LHX8: variants seen among roughly 807,000 people sequenced by gnomAD.
LHX8 encodes the protein LIM homeobox 8, also known as LIM/homeobox protein Lhx8.
In LHX8, 12 loss-of-function variants were observed where a neutral mutation model predicts 40.3. The ratio of observed to expected loss-of-function variants is 0.30; its 90% CI spans 0.19 to 0.48. The LOEUF (loss-of-function observed/expected upper bound fraction) is 0.48, where lower values mean the gene tolerates loss of function less well. LHX8 is among the 20% of genes least tolerant of loss of function. LHX8 has a pLI of 0.99. For missense variants in LHX8, 344 were observed against 433.7 expected (o/e 0.79, Z 1.84); for synonymous variants, 179 against 162.0 (o/e 1.10, Z -0.80).
the LHX8 span, among the ~76,000 whole-genome samples, chr1:75,190,900 C>G: frequency 4.6e-5 from 7 of 151,830 alleles, no homozygotes; most frequent in Non-Finnish European, 8.8e-5. Context: ...ATATTTTGTT[C>G]AAAGAGTTTG....
chr1:75,144,985 T>C (rs1324863597), intron 6 of LHX8, among the ~76,000 whole-genome samples: 3 of 152,142 alleles, frequency 2.0e-5, no homozygotes, highest in African/African-American at 2.4e-5. Flanking sequence ...GACACACATA[T>C]TCCAAGGGAA....
intron 6 of LHX8, among the ~76,000 whole-genome samples, chr1:75,146,454 C>G (rs981254654): frequency 6.6e-6 from 1 of 152,142 alleles, no homozygotes; most frequent in African/African-American, 2.4e-5. Context: ...TGTAGAAGCA[C>G]TCACTTAGTG....
At chr1:75,172,928 A>G in the LHX8 span, among the ~76,000 whole-genome samples, 1 of 152,262 alleles carries the variant, frequency 6.6e-6, no homozygotes, top group African/African-American at 2.4e-5. Flanking sequence ...CCAAGTCTTC[A>G]TGACACTACC....
chr1:75,160,706 G>T (rs1648893762), intron 8 of LHX8, 113 bp from the exon 9 acceptor site: 1 of 767,696 alleles, frequency 1.3e-6, no homozygotes, highest in Non-Finnish European at 2.4e-6. Flanking sequence ...GTAGCTTGGT[G>T]CCCTCAGCTA....
intron 6 of LHX8, among the ~76,000 whole-genome samples, chr1:75,147,412 A>G (rs1526512): frequency 0.92 from 140,808 of 152,254 alleles, 65,145 homozygotes; most frequent in East Asian, 0.98. Context: ...GGGATACGAA[A>G]AATAAGACAT....
chr1:75,151,849 G>A (rs1459401634), intron 7 of LHX8, among the ~76,000 whole-genome samples: 1 of 152,216 alleles, frequency 6.6e-6, no homozygotes, highest in Non-Finnish European at 1.5e-5. Flanking sequence ...AGGAACACAG[G>A]CAGACATCTG....
At chr1:75,184,475 A>G in the LHX8 span, among the ~76,000 whole-genome samples, 1 of 152,222 alleles carries the variant, frequency 6.6e-6, no homozygotes, top group African/African-American at 2.4e-5. Context: ...ATTTATCAAA[A>G]CCACACAATT....
In LHX8 at chr1:75,141,039, T is replaced by A. The variant is rs1246697050; in HGVS notation, c.292T>A (p.Ser98Thr). ...TCTCTCCTGCAGTGTTTGCAGAACC[T>A]CCCTAGGAAGGCACACCAGCTGTTA... ...RCLSCSVCRT[S>T]LGRHTSCYIK... The change falls in exon 4 of 9, where the codon TCC becomes ACC. Residue 98 changes from serine (S) to threonine (T), a missense_variant. Ser to Thr is a moderately conservative substitution (Grantham distance 58). This residue lies in a region of LHX8 where 147 missense variants were observed against 250.8 expected (regional missense o/e 0.59). Coordinates refer to ENST00000356261, the MANE Select transcript of LHX8 (RefSeq NM_001256114.2). The A allele has an allele frequency of 6.2e-7, 1 of 1,613,562 alleles. No individual in the cohort carries two copies.
At chr1:75,151,042 G>T (rs1648596175) in intron 7 of LHX8, among the ~76,000 whole-genome samples, 2 of 152,108 alleles carry the variant, frequency 1.3e-5, no homozygotes, top group Admixed American at 6.6e-5. Context: ...AACCATAAAA[G>T]GCAAGAGGAA....
At chr1:75,157,895 C>CA (rs1218015546) in intron 8 of LHX8, among the ~76,000 whole-genome samples, 3 of 152,136 alleles carry the variant, frequency 2.0e-5, no homozygotes, top group African/African-American at 7.2e-5. Flanking sequence ...TTTTTGTGCA[C>CA]ATTAATTCAC....
chr1:75,173,887 T>C, the LHX8 span, among the ~76,000 whole-genome samples: 4 of 152,188 alleles, frequency 2.6e-5, no homozygotes, highest in Non-Finnish European at 1.5e-5. Flanking sequence ...ATCCTAGCTA[T>C]ACAGTTTGAG....
upstream of LHX8, among the ~76,000 whole-genome samples, chr1:75,133,739 G>A (rs921498346): frequency 2.0e-5 from 3 of 152,142 alleles, no homozygotes; most frequent in Admixed American, 6.6e-5. Flanking sequence ...CAGAACTTGA[G>A]GCAGAAGACA....
chr1:75,199,336 A>C, the LHX8 span, among the ~76,000 whole-genome samples: 2 of 152,182 alleles, frequency 1.3e-5, no homozygotes, highest in East Asian at 3.9e-4. Flanking sequence ...GCAGCCGTGC[A>C]CATTCATCTG....
the LHX8 span, chr1:75,183,167 A>G: frequency 5.3e-5 from 8 of 152,302 alleles, no homozygotes; most frequent in African/African-American, 1.9e-4. Flanking sequence ...CATCCCTGAA[A>G]GAGATGGGGA....
intron 7 of LHX8, among the ~76,000 whole-genome samples, chr1:75,155,447 G>C (rs1377243569): frequency 6.6e-6 from 1 of 152,020 alleles, no homozygotes; most frequent in Non-Finnish European, 1.5e-5. Context: ...TTTTAGCCAG[G>C]ATGGTCTCGA....
chr1:75,178,612 C>CA, the LHX8 span, among the ~76,000 whole-genome samples: 1 of 151,792 alleles, frequency 6.6e-6, no homozygotes, highest in Non-Finnish European at 1.5e-5. Flanking sequence ...TTGATCTTTT[C>CA]AAAAAAACCA....
chr1:75,186,177 A>G, the LHX8 span, among the ~76,000 whole-genome samples: 1 of 152,210 alleles, frequency 6.6e-6, no homozygotes, highest in Non-Finnish European at 1.5e-5. Flanking sequence ...TCTTCATAGA[A>G]CTAGAAAAAA....
chr1:75,162,020 C>T (rs1373144181), downstream of LHX8, among the ~76,000 whole-genome samples: 1 of 151,768 alleles, frequency 6.6e-6, no homozygotes, highest in Admixed American at 6.6e-5. Context: ...TTTTATATGC[C>T]AGTTGGGGAA....
At chr1:75,136,550 G>C (rs1570283993) in intron 1 of LHX8, 53 bp from the exon 2 acceptor site, 1 of 1,330,698 alleles carries the variant, frequency 7.5e-7, no homozygotes. Context: ...CGGGCAGCAC[G>C]CTCGGAACTT....
Sources: gnomAD v4.1 joint callset for allele counts (sites outside exome capture counted in the v4.1 genomes callset) on GRCh38, gnomAD v4.1.1 for gene constraint, gnomAD v4.1.1 regional missense constraint, MANE v1.5 for transcripts, NCBI Gene and HGNC (gene_info 2026-07-23, HGNC 2026-07-21) for gene names.